The following GRM7 variants were observed in gnomAD, a reference collection of about 807,000 sequenced individuals.
GRM7 encodes the protein metabotropic glutamate receptor 7.
Under a neutral mutation model 84.5 loss-of-function variants are expected in GRM7, and 35 were observed. The ratio of observed to expected loss-of-function variants is 0.41; its 90% CI spans 0.32 to 0.55. GRM7 has a LOEUF of 0.55. GRM7 is among the 20% of genes least tolerant of loss of function. GRM7 has a pLI of 0.19. For missense variants in GRM7, 1,003 were observed against 1,194.6 expected (o/e 0.84, Z 2.36); for synonymous variants, 487 against 455.1 (o/e 1.07, Z -0.89).
intron 1 of GRM7, among the ~76,000 whole-genome samples, chr3:7,031,717 A>G (rs4686113): frequency 0.48 from 72,344 of 151,910 alleles, 17,926 homozygotes; most frequent in South Asian, 0.6. Context: ...TTGTATGTTC[A>G]GGTGTTAATA....
At chr3:7,504,596 C>A (rs1195385269) in intron 7 of GRM7, among the ~76,000 whole-genome samples, 7 of 152,184 alleles carry the variant, frequency 4.6e-5, no homozygotes, top group Admixed American at 4.6e-4. Context: ...GAGAGCATCA[C>A]ATGATAAGAA....
At chr3:7,692,216 G>A (rs1335744614) in intron 9 of GRM7, among the ~76,000 whole-genome samples, 1 of 152,162 alleles carries the variant, frequency 6.6e-6, no homozygotes, top group Non-Finnish European at 1.5e-5. Context: ...GGGACAGATA[G>A]GCTCATACCA....
intron 4 of GRM7, among the ~76,000 whole-genome samples, chr3:7,413,870 T>C (rs1383797240): frequency 6.6e-6 from 1 of 152,134 alleles, no homozygotes; most frequent in East Asian, 1.9e-4. Flanking sequence ...AGATACTGCC[T>C]ACCTCAATGA....
At chr3:7,501,140 T>C (rs1041708741) in intron 7 of GRM7, among the ~76,000 whole-genome samples, 1 of 152,230 alleles carries the variant, frequency 6.6e-6, no homozygotes, top group Non-Finnish European at 1.5e-5. Flanking sequence ...TGCCAGATAC[T>C]GTCTAAGCAT....
intron 9 of GRM7, among the ~76,000 whole-genome samples, chr3:7,707,934 T>TTG (rs1272895410): frequency 5.4e-5 from 8 of 148,398 alleles, no homozygotes; most frequent in African/African-American, 2.0e-4. Context: ...CTTTCAATTT[T>TTG]TTTTTTTTTT....
chr3:7,704,546 T>C (rs1029824711), intron 9 of GRM7, among the ~76,000 whole-genome samples: 3 of 152,234 alleles, frequency 2.0e-5, no homozygotes, highest in Admixed American at 1.3e-4. Flanking sequence ...TTTGATAATA[T>C]GAATTAATTT....
At chr3:7,434,914 T>A (rs556557176) in intron 5 of GRM7, among the ~76,000 whole-genome samples, 1 of 152,270 alleles carries the variant, frequency 6.6e-6, no homozygotes, top group African/African-American at 2.4e-5. Flanking sequence ...ACAAAGATAA[T>A]CATCTGAGCC....
chr3:6,995,892 T>C (rs2124866096), intron 1 of GRM7, among the ~76,000 whole-genome samples: 1 of 152,284 alleles, frequency 6.6e-6, no homozygotes, highest in South Asian at 2.1e-4. Context: ...CAAATTTTAA[T>C]TATAGAGGTT....
At chr3:6,875,892 A>T (rs1318291752) in intron 1 of GRM7, among the ~76,000 whole-genome samples, 2 of 152,142 alleles carry the variant, frequency 1.3e-5, no homozygotes, top group African/African-American at 4.8e-5. Flanking sequence ...TTACTTACAG[A>T]CTATCTTAAA....
chr3:7,166,923 T>A (rs1334415344), intron 2 of GRM7, among the ~76,000 whole-genome samples: 2 of 152,196 alleles, frequency 1.3e-5, no homozygotes, highest in African/African-American at 2.4e-5. Context: ...GTCTTGTAAA[T>A]CATGACAACC....
chr3:7,080,430 C>T (rs576474378), intron 1 of GRM7, among the ~76,000 whole-genome samples: 3 of 151,998 alleles, frequency 2.0e-5, no homozygotes, highest in Non-Finnish European at 4.4e-5. Flanking sequence ...AAATGTGGAC[C>T]TTCAAGTGAG....
chr3:7,284,616 T>C (rs565529391), intron 2 of GRM7, among the ~76,000 whole-genome samples: 1 of 152,308 alleles, frequency 6.6e-6, no homozygotes, highest in African/African-American at 2.4e-5. Flanking sequence ...ATGACTATTG[T>C]TATATTTTGT....
Position 7,579,010 on chromosome 3 carries a change from C to A in GRM7, c.2104C>A (p.Gln702Lys). Residue 702 changes from glutamine (Q) to lysine (K), a missense_variant, in exon 8 of 10, where the codon CAA becomes AAA. Coordinates refer to ENST00000357716, the MANE Select transcript of GRM7 (RefSeq NM_000844.4). Reference protein sequence around the residue: ...TAPRLISPTSQLAITSSLISV... With the variant: ...TAPRLISPTSKLAITSSLISV... ...TCCCAGACTCATAAGCCCAACATCACAACTGGCAATCACTTCCAGTTTAAT... is the reference window on the plus strand; with the variant it reads ...TCCCAGACTCATAAGCCCAACATCAAAACTGGCAATCACTTCCAGTTTAAT... 2 of 1,613,972 alleles carry A rather than the reference C, an allele frequency of 1.2e-6. No homozygotes were observed. The highest frequency in any genetic ancestry group is 1.7e-6 in the Non-Finnish European group (2 of 1,179,876).
Position 7,324,451 on chromosome 3 carries a change from C to T in GRM7, c.1033+17799C>T, listed in dbSNP as rs540220801. On this transcript the variant is annotated intron_variant, in intron 4 of 9. Transcript: ENST00000357716. ...TTCCCTGGACCTGCTGACCTCAGCCCAGTTCTATAACAGTATCTTCTGTTA... is the reference window on the plus strand; with the variant it reads ...TTCCCTGGACCTGCTGACCTCAGCCTAGTTCTATAACAGTATCTTCTGTTA... Among the ~76,000 whole-genome samples, 8 of 152,276 alleles carry T rather than the reference C, an allele frequency of 5.3e-5. No individual in the cohort carries two copies. In the East Asian group the frequency reaches 1.2e-3, roughly 22 times the overall value.
At position 7,675,857 on chromosome 3, in the gene GRM7, T is replaced by A. The variant is rs543361192; in HGVS notation, c.2452-4192T>A. 8.9e-4 allele frequency among the ~76,000 whole-genome samples: 136 copies of A among 152,310 alleles called. 2 individuals are homozygous for A. The South Asian group carries it at 0.026, about 29-fold the overall frequency. On this transcript the variant is annotated intron_variant, in intron 8 of 9. Coordinates refer to ENST00000357716, the MANE Select transcript of GRM7 (RefSeq NM_000844.4). The stretch of plus-strand genomic sequence containing the variant: ...TTTCCTGGGTACTTATTTTCCAGGC[T>A]TTCTGCTAAACCATTTTCATATATT...
At chr3:7,054,791 CT>C (rs1391766356) in intron 1 of GRM7, among the ~76,000 whole-genome samples, 2 of 151,732 alleles carry the variant, frequency 1.3e-5, no homozygotes, top group African/African-American at 2.4e-5. Flanking sequence ...AACAGCAAAG[CT>C]ACTGTTTTCT....
At chr3:7,026,272 TG>T (rs1434199105) in intron 1 of GRM7, among the ~76,000 whole-genome samples, 1 of 152,208 alleles carries the variant, frequency 6.6e-6, no homozygotes, top group African/African-American at 2.4e-5. Context: ...TCCAGCACCC[TG>T]TGGGCACTAG....
chr3:7,000,072 A>C (rs1196824227), intron 1 of GRM7, among the ~76,000 whole-genome samples: 1 of 152,008 alleles, frequency 6.6e-6, no homozygotes, highest in East Asian at 1.9e-4. Flanking sequence ...GAGTTTACAT[A>C]ATATTTTTCA....
At chr3:7,385,396 G>A (rs906475668) in intron 4 of GRM7, among the ~76,000 whole-genome samples, 2 of 144,596 alleles carry the variant, frequency 1.4e-5, no homozygotes, top group Non-Finnish European at 3.0e-5. Flanking sequence ...TGCCTCCTCG[G>A]TTCACGCCAT....
Sources: gnomAD v4.1 joint callset for allele counts (sites outside exome capture counted in the v4.1 genomes callset) on GRCh38, gnomAD v4.1.1 for gene constraint, MANE v1.5 for transcripts, NCBI Gene and HGNC (gene_info 2026-07-23, HGNC 2026-07-21) for gene names.